ANXA8: variants seen among roughly 807,000 people sequenced by gnomAD.
ANXA8 encodes VAC-beta.
ANXA8 carries 9 observed loss-of-function variants against 26.8 expected under a neutral mutation model. The ratio of observed to expected loss-of-function variants is 0.34; its 90% CI spans 0.20 to 0.59. The LOEUF is 0.59. Ranked by LOEUF, ANXA8 falls within the 20% of genes least tolerant of loss-of-function variation. The probability of loss-of-function intolerance (pLI) is 0.84; values close to 1 mark genes in which losing one functional copy is unlikely to be tolerated. For missense variants in ANXA8, 83 were observed against 238.5 expected, an observed-to-expected ratio of 0.35 and a Z score of 4.29; for synonymous variants, 39 against 94.8, an observed-to-expected ratio of 0.41 and a Z score of 3.42.
the ANXA8 span, among the ~76,000 whole-genome samples, chr10:47,651,302 A>T: frequency 6.6e-6 from 1 of 151,184 alleles, no homozygotes; most frequent in Non-Finnish European, 1.5e-5. Context: ...AAAAAACCCA[A>T]AAAACAAAAC....
At chr10:47,717,981 G>A in the ANXA8 span, among the ~76,000 whole-genome samples, 1 of 114,072 alleles carries the variant, frequency 8.8e-6, no homozygotes, top group East Asian at 3.0e-4. Context: ...CTGGGTGACA[G>A]AGCAATACTC....
chr10:47,701,245 G>A, the ANXA8 span, among the ~76,000 whole-genome samples: 1 of 149,808 alleles, frequency 6.7e-6, no homozygotes, highest in African/African-American at 2.5e-5. Flanking sequence ...GTGAGGTAAT[G>A]TGCCCTCTTA....
chr10:47,778,763 A>AT, the ANXA8 span, among the ~76,000 whole-genome samples: 2 of 151,812 alleles, frequency 1.3e-5, no homozygotes, highest in Admixed American at 6.6e-5. Flanking sequence ...CAGGCACAGT[A>AT]TTTTTTTGGG....
chr10:47,672,489 C>A, the ANXA8 span, among the ~76,000 whole-genome samples: 1 of 151,484 alleles, frequency 6.6e-6, no homozygotes, highest in Non-Finnish European at 1.5e-5. Flanking sequence ...AGTTTTAAAA[C>A]AAGCTTAAAC....
the ANXA8 span, among the ~76,000 whole-genome samples, chr10:47,722,778 G>A: frequency 7.0e-6 from 1 of 142,444 alleles, no homozygotes; most frequent in South Asian, 2.2e-4. Context: ...GTTTAGCTGT[G>A]CGTTGGAGAG....
chr10:47,488,713 A>ATTTTTTTTTTTTTTTTTTTTT (rs1160121365), upstream of ANXA8, among the ~76,000 whole-genome samples: 1 of 62,106 alleles, frequency 1.6e-5, no homozygotes. Context: ...TACATGTTAA[A>ATTTTTTTTTTTTTTTTTTTTT]TTTTTTTTTT....
chr10:47,953,532 A>G, the ANXA8 span, among the ~76,000 whole-genome samples: 9 of 150,858 alleles, frequency 6.0e-5, 1 homozygote, highest in South Asian at 6.2e-4. Context: ...GAATTTAAAT[A>G]TATACTTACT....
At chr10:47,751,101 T>C in the ANXA8 span, 66 of 151,700 alleles carry the variant, frequency 4.4e-4, 1 homozygote, top group African/African-American at 1.5e-3. Flanking sequence ...TCAAACTTCA[T>C]GGTGAATATT....
the ANXA8 span, among the ~76,000 whole-genome samples, chr10:47,576,843 T>C: frequency 6.0e-5 from 9 of 149,172 alleles, no homozygotes; most frequent in African/African-American, 2.0e-4. Flanking sequence ...TAAGAAATAG[T>C]GACCAAAAAT....
the ANXA8 span, among the ~76,000 whole-genome samples, chr10:47,560,633 G>A: frequency 0.19 from 28,510 of 151,612 alleles, 2,936 homozygotes; most frequent in East Asian, 0.52. Context: ...GATGTTCCTC[G>A]CAGTTGTGAC....
At chr10:47,947,463 T>TA in the ANXA8 span, among the ~76,000 whole-genome samples, 1 of 147,202 alleles carries the variant, frequency 6.8e-6, no homozygotes, top group Non-Finnish European at 1.5e-5. Context: ...TCCAGAAATC[T>TA]GTACAGTTGA....
the ANXA8 span, among the ~76,000 whole-genome samples, chr10:47,530,415 C>T: frequency 3.4e-5 from 5 of 149,230 alleles, 1 homozygote; most frequent in Admixed American, 1.3e-4. Flanking sequence ...AGGCCAGGCG[C>T]GGTGGCTCAC....
At chr10:47,723,654 A>T in the ANXA8 span, among the ~76,000 whole-genome samples, 1 of 139,676 alleles carries the variant, frequency 7.2e-6, no homozygotes, top group African/African-American at 2.6e-5. Flanking sequence ...GTTAATCTTG[A>T]GCTCTCGTCT....
At chr10:47,624,159 G>T in the ANXA8 span, among the ~76,000 whole-genome samples, 1 of 99,346 alleles carries the variant, frequency 1.0e-5, no homozygotes, top group Non-Finnish European at 2.1e-5. Flanking sequence ...GGAGAATGGC[G>T]TGAACCCAGG....
At chr10:47,626,790 G>T in the ANXA8 span, among the ~76,000 whole-genome samples, 4 of 150,368 alleles carry the variant, frequency 2.7e-5, no homozygotes, top group Non-Finnish European at 2.9e-5. Context: ...TGTGACATGC[G>T]CAAAGGAAGG....
At chr10:47,653,562 G>A in the ANXA8 span, among the ~76,000 whole-genome samples, 1 of 151,200 alleles carries the variant, frequency 6.6e-6, no homozygotes, top group Admixed American at 6.6e-5. Flanking sequence ...AATTGAGTTT[G>A]TCCAAATGGG....
chr10:47,487,218 G>T (rs1840064068), upstream of ANXA8: 3 of 1,052,280 alleles, frequency 2.9e-6, no homozygotes, highest in Admixed American at 7.2e-5. Context: ...AGCGCTCAAT[G>T]TACACATGTC....
At chr10:47,600,384 C>A in the ANXA8 span, among the ~76,000 whole-genome samples, 1 of 148,928 alleles carries the variant, frequency 6.7e-6, no homozygotes, top group African/African-American at 2.5e-5. Flanking sequence ...CCGGGGCGGC[C>A]TGGCTTTTTT....
At chr10:47,976,601 G>T in the ANXA8 span, among the ~76,000 whole-genome samples, 1 of 147,060 alleles carries the variant, frequency 6.8e-6, no homozygotes, top group Non-Finnish European at 1.5e-5. Flanking sequence ...CATGACAGCT[G>T]TGAAAACCAG....
Sources: gnomAD v4.1 joint callset for allele counts (sites outside exome capture counted in the v4.1 genomes callset) on GRCh38, gnomAD v4.1.1 for gene constraint, MANE v1.5 for transcripts, NCBI Gene and HGNC (gene_info 2026-07-23, HGNC 2026-07-21) for gene names.